The following C1orf21 variants were observed in gnomAD, a reference collection of about 807,000 sequenced individuals.
C1orf21 encodes the protein uncharacterized protein C1orf21.
Under a neutral mutation model 18.7 loss-of-function variants are expected in C1orf21, and 3 were observed. The observed-to-expected ratio is 0.16, with a 90% CI of 0.07 to 0.42. C1orf21 has a LOEUF of 0.42. C1orf21 is among the 10% of genes least tolerant of loss of function. The pLI is 0.99. For synonymous variants in C1orf21, 41 were observed against 46.4 expected (o/e 0.88, Z 0.47); for missense variants, 104 against 143.6 (o/e 0.72, Z 1.41).
chr1:184,491,866 T>C (rs756039333), intron 2 of C1orf21, among the ~76,000 whole-genome samples: 11 of 152,212 alleles, frequency 7.2e-5, no homozygotes, highest in Non-Finnish European at 1.3e-4. Flanking sequence ...ATAACTATGA[T>C]ATAATTCCAT....
intron 1 of C1orf21, among the ~76,000 whole-genome samples, chr1:184,472,486 T>A (rs1388952957): frequency 6.6e-6 from 1 of 152,180 alleles, no homozygotes; most frequent in Non-Finnish European, 1.5e-5. Context: ...GCCTTTTGTA[T>A]CCAAAATGAA....
chr1:184,524,671 A>G (rs968692205), intron 3 of C1orf21, among the ~76,000 whole-genome samples: 1 of 152,106 alleles, frequency 6.6e-6, no homozygotes, highest in Admixed American at 6.5e-5. Context: ...AGTTATTCCA[A>G]CAGTATTGAA....
At chr1:184,559,559 C>G (rs957835589) in intron 3 of C1orf21, among the ~76,000 whole-genome samples, 1 of 129,368 alleles carries the variant, frequency 7.7e-6, no homozygotes, top group Non-Finnish European at 1.6e-5. Context: ...TCCTTCCTCT[C>G]TCTTTCTTCC....
intron 3 of C1orf21, among the ~76,000 whole-genome samples, chr1:184,544,641 C>A (rs1016832287): frequency 6.6e-6 from 1 of 152,142 alleles, no homozygotes; most frequent in Non-Finnish European, 1.5e-5. Context: ...TATTAGTTAC[C>A]CAGTACTACA....
At chr1:184,455,105 A>G (rs1657178647) in intron 1 of C1orf21, among the ~76,000 whole-genome samples, 1 of 152,154 alleles carries the variant, frequency 6.6e-6, no homozygotes, top group African/African-American at 2.4e-5. Context: ...TCCAAAGTGA[A>G]TAAACACTTT....
chr1:184,449,120 T>C (rs1222527164), intron 1 of C1orf21, among the ~76,000 whole-genome samples: 1 of 152,172 alleles, frequency 6.6e-6, no homozygotes, highest in East Asian at 1.9e-4. Flanking sequence ...TACATATGTA[T>C]ACATGTGCCA....
At chr1:184,618,891 G>A (rs1430990392) in intron 5 of C1orf21, among the ~76,000 whole-genome samples, 1 of 152,160 alleles carries the variant, frequency 6.6e-6, no homozygotes, top group Non-Finnish European at 1.5e-5. Context: ...TTATGACCTA[G>A]AGGAGAGAGG....
At chr1:184,505,747 A>T (rs1016340470) in intron 2 of C1orf21, among the ~76,000 whole-genome samples, 1 of 152,084 alleles carries the variant, frequency 6.6e-6, no homozygotes, top group Non-Finnish European at 1.5e-5. Context: ...TGGGCAGTAG[A>T]ATGAAACTCT....
intron 1 of C1orf21, among the ~76,000 whole-genome samples, chr1:184,413,512 C>A (rs147448017): frequency 3.3e-5 from 5 of 152,224 alleles, no homozygotes; most frequent in African/African-American, 1.2e-4. Flanking sequence ...TAAAATATTT[C>A]TTTCTTGTTT....
intron 5 of C1orf21, among the ~76,000 whole-genome samples, chr1:184,607,739 A>ATG (rs1268933286): frequency 3.3e-5 from 5 of 149,978 alleles, no homozygotes; most frequent in Admixed American, 1.3e-4. Context: ...ATACATATAT[A>ATG]TGTGTGTGTA....
chr1:184,568,432 G>T, intron 3 of C1orf21: 1 of 470,496 alleles, frequency 2.1e-6, no homozygotes, highest in Non-Finnish European at 4.4e-6. Context: ...CTGTCTCCAT[G>T]AATTTGACTA....
chr1:184,541,816 G>C (rs1484097614), intron 3 of C1orf21, among the ~76,000 whole-genome samples: 1 of 152,168 alleles, frequency 6.6e-6, no homozygotes, highest in East Asian at 1.9e-4. Flanking sequence ...CTGGAAACCA[G>C]GGGGATCACG....
At chr1:184,393,825 C>A (rs762807911) in intron 1 of C1orf21, among the ~76,000 whole-genome samples, 1 of 152,196 alleles carries the variant, frequency 6.6e-6, no homozygotes, top group African/African-American at 2.4e-5. Context: ...ATTTCATCTT[C>A]ATTACCTTTT....
At chr1:184,585,676 T>A (rs989801768) in intron 3 of C1orf21, among the ~76,000 whole-genome samples, 6 of 152,210 alleles carry the variant, frequency 3.9e-5, no homozygotes, top group African/African-American at 1.4e-4. Flanking sequence ...TGTGTCCATG[T>A]CTTCTCATTA....
At chr1:184,534,182 A>G (rs981461871) in intron 3 of C1orf21, among the ~76,000 whole-genome samples, 2 of 152,252 alleles carry the variant, frequency 1.3e-5, no homozygotes, top group African/African-American at 2.4e-5. Context: ...TCACTAGCTC[A>G]TTGGAGCCTC....
chr1:184,495,542 C>T (rs568852669), intron 2 of C1orf21, among the ~76,000 whole-genome samples: 16 of 152,272 alleles, frequency 1.1e-4, no homozygotes, highest in African/African-American at 2.4e-4. Flanking sequence ...AATATACTTA[C>T]TCATCTTCCC....
intron 1 of C1orf21, among the ~76,000 whole-genome samples, chr1:184,445,427 T>C (rs1447097821): frequency 6.6e-6 from 1 of 150,384 alleles, no homozygotes; most frequent in Admixed American, 6.6e-5. Context: ...TTTCCACTCT[T>C]TACCCCCCCA....
intron 3 of C1orf21, among the ~76,000 whole-genome samples, chr1:184,572,823 G>A (rs958297831): frequency 2.0e-5 from 3 of 152,010 alleles, no homozygotes; most frequent in Non-Finnish European, 4.4e-5. Flanking sequence ...ATGGTGGCAT[G>A]CACCTGTAAT....
chr1:184,418,608 C>T (rs1656497817), intron 1 of C1orf21, among the ~76,000 whole-genome samples: 1 of 152,224 alleles, frequency 6.6e-6, no homozygotes, highest in Non-Finnish European at 1.5e-5. Flanking sequence ...AAATGGCTCT[C>T]ACACTACTCC....
Sources: allele counts gnomAD v4.1 joint callset (sites outside exome capture counted in the v4.1 genomes callset), GRCh38; gene constraint gnomAD v4.1.1; transcripts MANE v1.5; gene names NCBI Gene and HGNC (gene_info 2026-07-23, HGNC 2026-07-21).